TRHDE: variants seen among roughly 807,000 people sequenced by gnomAD.
The protein encoded by TRHDE is thyrotropin-releasing hormone-degrading ectoenzyme.
TRHDE carries 72 observed loss-of-function variants against 125.7 expected under a neutral mutation model. That is an observed-to-expected ratio of 0.57 (90% CI 0.47 to 0.70). The LOEUF is 0.70. Among genes scored for constraint, TRHDE ranks in the 30% least tolerant of loss-of-function variants. TRHDE has a pLI of 0.00. For missense variants in TRHDE, 1,110 were observed against 1,327.1 expected (o/e 0.84, Z 2.54); for synonymous variants, 509 against 509.1 (o/e 1.00, Z 0.00).
intron 12 of TRHDE, among the ~76,000 whole-genome samples, chr12:72,616,959 C>G (rs1420717869): frequency 6.6e-6 from 1 of 151,996 alleles, no homozygotes; most frequent in East Asian, 1.9e-4. Flanking sequence ...AGGACATAAT[C>G]TAAAACATTA....
chr12:72,096,993 G>A (rs990574825), intron 1 of TRHDE, among the ~76,000 whole-genome samples: 1 of 152,110 alleles, frequency 6.6e-6, no homozygotes, highest in African/African-American at 2.4e-5. Flanking sequence ...TGGCCAATTC[G>A]ATTATCTGTC....
intron 2 of TRHDE, among the ~76,000 whole-genome samples, chr12:72,287,342 T>C (rs1879927988): frequency 6.6e-6 from 1 of 152,134 alleles, no homozygotes; most frequent in Non-Finnish European, 1.5e-5. Flanking sequence ...ATGTGGTGAG[T>C]AATATAGTAA....
chr12:72,103,712 C>G (rs1470239162), intron 1 of TRHDE, among the ~76,000 whole-genome samples: 2 of 152,112 alleles, frequency 1.3e-5, no homozygotes, highest in East Asian at 3.8e-4. Flanking sequence ...GCCGTGAAAG[C>G]AGACAGTGAA....
chr12:72,479,507 T>A (rs1353595100), intron 5 of TRHDE, among the ~76,000 whole-genome samples: 1 of 152,080 alleles, frequency 6.6e-6, no homozygotes. Context: ...TATATTAACA[T>A]ATATTTCTAT....
intron 5 of TRHDE, among the ~76,000 whole-genome samples, chr12:72,499,252 CTG>C (rs1248748225): frequency 6.6e-6 from 1 of 152,102 alleles, no homozygotes; most frequent in Non-Finnish European, 1.5e-5. Context: ...ACAGAGTTCA[CTG>C]TTTTTATCTA....
At position 72,202,060 on chromosome 12, in the gene TRHDE, C is replaced by A. The variant is rs113063446; in HGVS notation, n.279+96308C>A. Among the ~76,000 whole-genome samples the A allele has an allele frequency of 3.9e-5, 6 of 152,302 alleles. 1 individual carries two copies. The highest frequency in any genetic ancestry group is 1.3e-4 in the Admixed American group (2 of 15,300). On this transcript the variant is annotated intron_variant and non_coding_transcript_variant, in intron 2 of 4. Transcript: ENST00000548156. ...CTGGCCTCAACAGTACTGTCTCTTT[C>A]GGCAAGAACCTATATGGGAAGCCAG... is the stretch of plus-strand genomic sequence containing the variant.
chr12:72,639,266 C>T lies in TRHDE; in HGVS notation c.2676-13056C>T, dbSNP rs868362287. 6.7e-3 allele frequency among the ~76,000 whole-genome samples: 1,021 copies of T among 152,030 alleles called. 5 individuals carry two copies. The highest frequency in any genetic ancestry group is 0.021 in the African/African-American group (879 of 41,414). ...TCATTTCATTCATTTCATCTTCCAT[C>T]GCTGATACCCTTTCTTCCAGTTGAT... On this transcript the variant is annotated intron_variant, in intron 15 of 18. Coordinates refer to ENST00000261180, the MANE Select transcript of TRHDE (RefSeq NM_013381.3).
chr12:72,609,001 T>TA (rs1468713401), intron 12 of TRHDE, among the ~76,000 whole-genome samples: 1 of 152,136 alleles, frequency 6.6e-6, no homozygotes, highest in Non-Finnish European at 1.5e-5. Context: ...GAAGATTGTT[T>TA]AAAGGATTTA....
At chr12:72,155,370 G>A (rs752805659) in intron 2 of TRHDE, among the ~76,000 whole-genome samples, 41 of 151,744 alleles carry the variant, frequency 2.7e-4, no homozygotes, top group Non-Finnish European at 4.9e-4. Context: ...TAGTTTGATC[G>A]TCTGAAGCCT....
chr12:72,636,941 T>G (rs903769202), intron 15 of TRHDE, among the ~76,000 whole-genome samples: 2 of 152,164 alleles, frequency 1.3e-5, no homozygotes, highest in African/African-American at 4.8e-5. Flanking sequence ...TCAATGTTCA[T>G]CAAGGATATT....
chr12:72,612,393 G>T (rs7309263), intron 12 of TRHDE, among the ~76,000 whole-genome samples: 3 of 151,884 alleles, frequency 2.0e-5, no homozygotes, highest in Admixed American at 2.0e-4. Flanking sequence ...TGAAAGTCAC[G>T]TGCAAGCCAG....
At chr12:72,160,420 C>T (rs974084219) in intron 2 of TRHDE, among the ~76,000 whole-genome samples, 16 of 152,302 alleles carry the variant, frequency 1.1e-4, no homozygotes, top group Admixed American at 3.3e-4. Context: ...CATGGTGGCT[C>T]ATATCTGAAA....
At chr12:72,538,995 T>G (rs1869007217) in intron 6 of TRHDE, among the ~76,000 whole-genome samples, 1 of 151,896 alleles carries the variant, frequency 6.6e-6, no homozygotes, top group African/African-American at 2.4e-5. Flanking sequence ...CCATATAAAC[T>G]TCCCTACTTG....
At chr12:72,551,901 T>G (rs902907935) in intron 7 of TRHDE, among the ~76,000 whole-genome samples, 5 of 152,016 alleles carry the variant, frequency 3.3e-5, no homozygotes, top group African/African-American at 1.2e-4. Flanking sequence ...ACGGTAGGTA[T>G]GCTGAGGTCT....
At chr12:72,277,184 C>T (rs1000575320) in intron 1 of TRHDE, among the ~76,000 whole-genome samples, 1 of 152,104 alleles carries the variant, frequency 6.6e-6, no homozygotes, top group Non-Finnish European at 1.5e-5. Flanking sequence ...AAACTATAGT[C>T]TCCAAGTAAA....
rs113433432 is a variant in TRHDE, at chr12:72,163,813, T to G, written n.279+58061T>G. On this transcript the variant is annotated intron_variant and non_coding_transcript_variant, in intron 2 of 4. Transcript: ENST00000548156. ...TTTAATTGTCCTACAACTATGTCTC[T>G]CAAGGGTACTCAAATCGGCAGAGCG... 2.9e-3 allele frequency among the ~76,000 whole-genome samples: 448 copies of G among 152,336 alleles called. 3 individuals are homozygous for G. Among genetic ancestry groups the G allele is most frequent in the African/African-American group, 0.01 (419 of 41,580 alleles).
At chr12:72,243,171 C>T (rs1878515540) in intron 2 of TRHDE, among the ~76,000 whole-genome samples, 1 of 152,188 alleles carries the variant, frequency 6.6e-6, no homozygotes, top group South Asian at 2.1e-4. Flanking sequence ...ATTGAGTCTG[C>T]CCTACTTCAG....
At chr12:72,422,627 A>G (rs1874007184) in intron 3 of TRHDE, among the ~76,000 whole-genome samples, 1 of 152,188 alleles carries the variant, frequency 6.6e-6, no homozygotes, top group African/African-American at 2.4e-5. Flanking sequence ...TGTGAGAGAA[A>G]GCAAATATGC....
intron 2 of TRHDE, chr12:72,255,347 T>A (rs528541737): frequency 8.5e-5 from 13 of 152,360 alleles, no homozygotes; most frequent in Admixed American, 5.2e-4. Context: ...TCCCTGAGTC[T>A]ATGAGACAGA....
Sources: allele counts gnomAD v4.1 joint callset (sites outside exome capture counted in the v4.1 genomes callset), GRCh38; gene constraint gnomAD v4.1.1; transcripts MANE v1.5; gene names NCBI Gene and HGNC (gene_info 2026-07-23, HGNC 2026-07-21).